The following CNTN3 variants were observed in gnomAD, a reference collection of about 807,000 sequenced individuals.
CNTN3 encodes the protein contactin 3, also known as contactin-3.
In CNTN3, 60 loss-of-function variants were observed where a neutral mutation model predicts 119.1. That is an observed-to-expected ratio of 0.50 (90% CI 0.41 to 0.62). CNTN3 has a LOEUF of 0.62. Among genes scored for constraint, CNTN3 ranks in the 20% least tolerant of loss-of-function variants. CNTN3 has a pLI of 0.00. For missense variants in CNTN3, 1,101 were observed against 1,242.4 expected (o/e 0.89, Z 1.71); for synonymous variants, 450 against 438.7 (o/e 1.03, Z -0.32).
chr3:74,562,820 GA>G (rs796243579), intron 1 of CNTN3, among the ~76,000 whole-genome samples: 4,113 of 144,602 alleles, frequency 0.028, 134 homozygotes, highest in African/African-American at 0.074. Flanking sequence ...TCAGACAGAA[GA>G]AAAAAAAAAA....
chr3:74,313,339 A>G (rs1702746515), intron 13 of CNTN3, among the ~76,000 whole-genome samples: 1 of 152,204 alleles, frequency 6.6e-6, no homozygotes, highest in Non-Finnish European at 1.5e-5. Context: ...GAGAACACCA[A>G]GTAGAATATA....
intron 22 of CNTN3, 32 bp from the exon 23 acceptor site, chr3:74,264,533 G>T: frequency 7.1e-7 from 1 of 1,399,916 alleles, no homozygotes; most frequent in Non-Finnish European, 1.0e-6. Flanking sequence ...TCATTAATAA[G>T]GATTGTACCA....
intron 13 of CNTN3, among the ~76,000 whole-genome samples, chr3:74,314,059 C>T (rs904310779): frequency 1.7e-4 from 26 of 152,170 alleles, no homozygotes; most frequent in Non-Finnish European, 3.7e-4. Flanking sequence ...TACCCCAATG[C>T]CCTATTCACT....
At chr3:74,417,824 A>C (rs1701549286) in intron 5 of CNTN3, among the ~76,000 whole-genome samples, 1 of 152,220 alleles carries the variant, frequency 6.6e-6, no homozygotes, top group Non-Finnish European at 1.5e-5. Context: ...TAATATTCTG[A>C]ACTCCTGAAA....
chr3:74,420,920 C>G (rs2106889602), intron 5 of CNTN3, among the ~76,000 whole-genome samples: 1 of 152,306 alleles, frequency 6.6e-6, no homozygotes, highest in South Asian at 2.1e-4. Context: ...CCTCCTGCCT[C>G]ATGTGCCATT....
intron 5 of CNTN3, among the ~76,000 whole-genome samples, chr3:74,391,157 C>A (rs1704888854): frequency 6.6e-6 from 1 of 152,136 alleles, no homozygotes; most frequent in Admixed American, 6.6e-5. Context: ...ACAGGCTCCC[C>A]CAGGATCATC....
chr3:74,323,989 T>G (rs528746147), intron 13 of CNTN3, among the ~76,000 whole-genome samples: 1 of 152,106 alleles, frequency 6.6e-6, no homozygotes, highest in Non-Finnish European at 1.5e-5. Context: ...TACTACTGAC[T>G]CTCTTAGAAC....
chr3:74,577,411 T>C (rs1462124157), intron 1 of CNTN3, among the ~76,000 whole-genome samples: 2 of 152,198 alleles, frequency 1.3e-5, no homozygotes, highest in Non-Finnish European at 2.9e-5. Flanking sequence ...CTTATTCTAT[T>C]ATACTTTCTC....
chr3:74,418,202 T>A (rs906262253), intron 5 of CNTN3, among the ~76,000 whole-genome samples: 1 of 152,046 alleles, frequency 6.6e-6, no homozygotes, highest in South Asian at 2.1e-4. Flanking sequence ...TTCTGTTTTT[T>A]CCCCCTAAAG....
chr3:74,350,738 C>A (rs752532352), intron 11 of CNTN3, among the ~76,000 whole-genome samples: 1 of 151,942 alleles, frequency 6.6e-6, no homozygotes, highest in Non-Finnish European at 1.5e-5. Context: ...TACTATACAG[C>A]CATAAAACAG....
chr3:74,553,945 G>T (rs1018180317), intron 1 of CNTN3, among the ~76,000 whole-genome samples: 1 of 152,028 alleles, frequency 6.6e-6, no homozygotes, highest in Admixed American at 6.6e-5. Context: ...GTCAATTTTG[G>T]CTTTTGTTGC....
At chr3:74,567,662 A>T (rs1015033653) in intron 1 of CNTN3, among the ~76,000 whole-genome samples, 2 of 152,248 alleles carry the variant, frequency 1.3e-5, no homozygotes, top group African/African-American at 4.8e-5. Flanking sequence ...AATCTTGAGA[A>T]GACAAAGAGT....
At chr3:74,390,375 T>G (rs1211805716) in intron 5 of CNTN3, among the ~76,000 whole-genome samples, 2 of 151,822 alleles carry the variant, frequency 1.3e-5, no homozygotes, top group African/African-American at 4.8e-5. Context: ...TATGCTTTTT[T>G]TTTTTTTTTT....
intron 10 of CNTN3, 133 bp from the exon 11 acceptor site, chr3:74,362,173 T>C (rs1257085618): frequency 7.0e-6 from 6 of 862,372 alleles, no homozygotes; most frequent in Non-Finnish European, 8.9e-6. Context: ...ACTTGGCTTA[T>C]TGTGTGCCAC....
intron 1 of CNTN3, among the ~76,000 whole-genome samples, chr3:74,570,357 T>C (rs1056505261): frequency 6.6e-6 from 1 of 152,092 alleles, no homozygotes; most frequent in African/African-American, 2.4e-5. Context: ...GGCAAATTTA[T>C]AGTATTAACC....
chr3:74,492,703 A>C (rs1284797229), intron 3 of CNTN3, among the ~76,000 whole-genome samples: 1 of 152,180 alleles, frequency 6.6e-6, no homozygotes, highest in Non-Finnish European at 1.5e-5. Flanking sequence ...GAGGGTATAA[A>C]AATCACTGCC....
intron 4 of CNTN3, among the ~76,000 whole-genome samples, chr3:74,468,473 A>G (rs1224322233): frequency 6.6e-6 from 1 of 152,214 alleles, no homozygotes; most frequent in African/African-American, 2.4e-5. Context: ...CATCGGTACC[A>G]AAGAGTCTAA....
At chr3:74,409,873 T>A (rs1366108237) in intron 5 of CNTN3, among the ~76,000 whole-genome samples, 1 of 152,174 alleles carries the variant, frequency 6.6e-6, no homozygotes, top group Non-Finnish European at 1.5e-5. Flanking sequence ...ATTTTCTAAT[T>A]GTGATGACTT....
intron 16 of CNTN3, among the ~76,000 whole-genome samples, chr3:74,300,417 G>A (rs1465280322): frequency 6.6e-6 from 1 of 152,170 alleles, no homozygotes; most frequent in Non-Finnish European, 1.5e-5. Context: ...TTCTCACACT[G>A]AGAACTCTAG....
Sources: allele counts gnomAD v4.1 joint callset (sites outside exome capture counted in the v4.1 genomes callset), GRCh38; gene constraint gnomAD v4.1.1; transcripts MANE v1.5; gene names NCBI Gene and HGNC (gene_info 2026-07-23, HGNC 2026-07-21).